Variants in FHIT observed in about 807,000 individuals in gnomAD.
The protein encoded by FHIT is bis(5'-adenosyl)-triphosphatase.
A neutral mutation model predicts 17.9 loss-of-function variants in FHIT; 19 were observed. The observed-to-expected ratio is 1.06, with a 90% CI of 0.74 to 1.56. FHIT has a LOEUF of 1.56. Ranked by LOEUF, FHIT falls within the 40% of genes most tolerant of loss-of-function variation. The probability of loss-of-function intolerance (pLI) is 0.00; values close to 1 mark genes in which losing one functional copy is unlikely to be tolerated. For synonymous variants in FHIT, 81 were observed against 69.7 expected (o/e 1.16, Z -0.81); for missense variants, 248 against 189.2 (o/e 1.31, Z -1.82).
Position 60,014,064 on chromosome 3 carries a change from T to C in FHIT, c.192A>G (p.Arg64=), listed in dbSNP as rs768186243. The C allele has an allele frequency of 4.3e-6, 7 of 1,613,906 alleles. No individual in the cohort carries two copies. The highest frequency in any genetic ancestry group is 1.7e-5 in the Admixed American group (1 of 60,000). Residue 64 remains arginine (R), a synonymous_variant, in exon 6 of 10, where the codon AGA becomes AGG. Coordinates refer to ENST00000492590, the MANE Select transcript of FHIT (RefSeq NM_002012.4). Reference sequence around the variant, plus strand: ...AATGTTTTTCCACCACTGTCCCGACTCTCTGGGTCGTCTGAAACAAATCGG... The same window carrying C: ...AATGTTTTTCCACCACTGTCCCGACCCTCTGGGTCGTCTGAAACAAATCGG... ...EVADLFQTTQ[R]VGTVVEKHFH...
intron 3 of FHIT, among the ~76,000 whole-genome samples, chr3:60,828,348 C>T (rs1702198421): frequency 1.3e-5 from 2 of 151,822 alleles, no homozygotes; most frequent in South Asian, 2.1e-4. Flanking sequence ...CATTTTAATC[C>T]ATTATTCAAT....
At chr3:60,705,256 G>C (rs1444894647) in intron 4 of FHIT, among the ~76,000 whole-genome samples, 15 of 152,092 alleles carry the variant, frequency 9.9e-5, no homozygotes, top group African/African-American at 3.6e-4. Context: ...AAAGAGGAAG[G>C]AGACATAAAC....
intron 5 of FHIT, among the ~76,000 whole-genome samples, chr3:60,277,109 G>A (rs1288233833): frequency 6.6e-6 from 1 of 151,956 alleles, no homozygotes; most frequent in African/African-American, 2.4e-5. Context: ...AAGTCCTGGT[G>A]GTCAGCAAGA....
chr3:60,817,745 G>T (rs143709341), intron 4 of FHIT, among the ~76,000 whole-genome samples: 1,677 of 152,020 alleles, frequency 0.011, 21 homozygotes, highest in African/African-American at 0.038. Flanking sequence ...TCCCATTTGG[G>T]ATTCACTGCA....
At chr3:59,783,554 A>G (rs1702699461) in intron 8 of FHIT, among the ~76,000 whole-genome samples, 1 of 152,188 alleles carries the variant, frequency 6.6e-6, no homozygotes, top group Admixed American at 6.5e-5. Context: ...CTCTGCCATC[A>G]CCAGGCACTT....
Position 60,054,898 on chromosome 3 carries a change from A to AT in FHIT, c.104-40747dup, listed in dbSNP as rs1162547704. Among the ~76,000 whole-genome samples, 3 of 152,218 alleles carry AT rather than the reference A, an allele frequency of 2.0e-5. No homozygotes were observed. The East Asian group carries it at 5.8e-4, about 29-fold the overall frequency. On this transcript the variant is annotated intron_variant, in intron 5 of 9. Coordinates refer to ENST00000492590, the MANE Select transcript of FHIT (RefSeq NM_002012.4). ...ATCACTGGTGAGAAATTTGTGTTTTATTTTTGTTTACATTTTACATTAAGA... is the reference window on the plus strand; with the variant it reads ...ATCACTGGTGAGAAATTTGTGTTTTATTTTTTGTTTACATTTTACATTAAGA...
At chr3:61,036,901 G>GTTTTTTTTTTTTTTTTTTTTTTTTTTTT (rs746649804) in intron 3 of FHIT, among the ~76,000 whole-genome samples, 4 of 70,302 alleles carry the variant, frequency 5.7e-5, no homozygotes, top group African/African-American at 1.3e-4. Context: ...AGTCTGCTTT[G>GTTTTTTTTTTTTTTTTTTTTTTTTTTTT]TTTTTTTTTT....
chr3:60,207,101 T>C (rs930868563), intron 5 of FHIT, among the ~76,000 whole-genome samples: 1 of 151,958 alleles, frequency 6.6e-6, no homozygotes, highest in Non-Finnish European at 1.5e-5. Context: ...AGGAAGACCA[T>C]ATGTACTTCC....
intron 7 of FHIT, among the ~76,000 whole-genome samples, chr3:59,970,786 T>C (rs1708139862): frequency 6.6e-6 from 1 of 152,002 alleles, no homozygotes; most frequent in Admixed American, 6.6e-5. Flanking sequence ...CTAACACAGC[T>C]TGGGGCGAAT....
At chr3:60,768,791 T>A (rs1699937731) in intron 4 of FHIT, among the ~76,000 whole-genome samples, 1 of 152,204 alleles carries the variant, frequency 6.6e-6, no homozygotes. Context: ...CAGATTGCTC[T>A]GCATTCTCTG....
At position 60,423,638 on chromosome 3, in the gene FHIT, A is replaced by G. The variant is rs1576631349; in HGVS notation, c.103+113222T>C. Among the ~76,000 whole-genome samples the G allele has an allele frequency of 3.9e-5, 6 of 152,274 alleles. No homozygotes were observed. The South Asian group carries it at 1.0e-3, about 26-fold the overall frequency. Reference sequence around the variant, plus strand: ...CTAATTTCTTATGTATTAAGGTCTAACATACTTCTCAGGCATTTAAGGCAA... The same window carrying G: ...CTAATTTCTTATGTATTAAGGTCTAGCATACTTCTCAGGCATTTAAGGCAA... On this transcript the variant is annotated intron_variant, in intron 5 of 9. Transcript: ENST00000492590.
intron 4 of FHIT, among the ~76,000 whole-genome samples, chr3:60,631,913 G>A (rs139432050): frequency 2.6e-4 from 40 of 152,214 alleles, no homozygotes; most frequent in African/African-American, 9.1e-4. Context: ...GCTGTTGTTT[G>A]TACCACACAG....
At chr3:60,205,446 T>G (rs1703128232) in intron 5 of FHIT, among the ~76,000 whole-genome samples, 1 of 152,158 alleles carries the variant, frequency 6.6e-6, no homozygotes, top group South Asian at 2.1e-4. Flanking sequence ...AGATAATAAC[T>G]TTTATCTAAC....
chr3:60,794,966 C>T (rs7639167), intron 4 of FHIT, among the ~76,000 whole-genome samples: 1 of 151,968 alleles, frequency 6.6e-6, no homozygotes, highest in Non-Finnish European at 1.5e-5. Flanking sequence ...TGTCTTCCAG[C>T]TGCCTAGTCC....
chr3:61,225,998 T>C (rs2039961978), intron 1 of FHIT, among the ~76,000 whole-genome samples: 1 of 152,252 alleles, frequency 6.6e-6, no homozygotes, highest in Non-Finnish European at 1.5e-5. Flanking sequence ...TTATTTCTTC[T>C]GATACAAAAC....
At chr3:60,833,212 T>C (rs1553743034) in intron 3 of FHIT, among the ~76,000 whole-genome samples, 2 of 152,166 alleles carry the variant, frequency 1.3e-5, no homozygotes, top group Non-Finnish European at 2.9e-5. Flanking sequence ...CAGCTATGCA[T>C]GGTGACTCCA....
chr3:60,532,035 C>A (rs2035805840), intron 5 of FHIT, among the ~76,000 whole-genome samples: 1 of 152,200 alleles, frequency 6.6e-6, no homozygotes, highest in Non-Finnish European at 1.5e-5. Context: ...CTACATGCAT[C>A]ATCCTAATGT....
At chr3:59,932,148 A>G (rs1170454283) in intron 7 of FHIT, among the ~76,000 whole-genome samples, 3 of 152,080 alleles carry the variant, frequency 2.0e-5, no homozygotes, top group Non-Finnish European at 4.4e-5. Flanking sequence ...CAATGCATCC[A>G]TTTTGCCAAT....
intron 3 of FHIT, among the ~76,000 whole-genome samples, chr3:61,017,492 G>T (rs749987095): frequency 6.6e-6 from 1 of 152,130 alleles, no homozygotes; most frequent in Non-Finnish European, 1.5e-5. Flanking sequence ...AAAAAATTAG[G>T]CCTTGTTTCA....
Sources: gnomAD v4.1 joint callset for allele counts (sites outside exome capture counted in the v4.1 genomes callset) on GRCh38, gnomAD v4.1.1 for gene constraint, MANE v1.5 for transcripts, NCBI Gene and HGNC (gene_info 2026-07-23, HGNC 2026-07-21) for gene names.